Variants in RRAS2 observed in about 807,000 individuals in gnomAD.
RRAS2 encodes ras-related protein R-Ras2.
RRAS2 carries 7 observed loss-of-function variants against 27.6 expected under a neutral mutation model. The observed-to-expected ratio is 0.25, with a 90% CI of 0.14 to 0.48. The LOEUF (loss-of-function observed/expected upper bound fraction) is 0.48, where lower values mean the gene tolerates loss of function less well. Ranked by LOEUF, RRAS2 falls within the 20% of genes least tolerant of loss-of-function variation. RRAS2 has a pLI of 0.99. For synonymous variants in RRAS2, 86 were observed against 90.9 expected (o/e 0.95, Z 0.31); for missense variants, 178 against 256.2 (o/e 0.69, Z 2.08).
intron 1 of RRAS2, among the ~76,000 whole-genome samples, chr11:14,317,680 T>C (rs1188955961): frequency 6.6e-6 from 1 of 152,232 alleles, no homozygotes. Context: ...TTAAGAAACG[T>C]AGCCTCTATC....
chr11:14,341,589 C>CA (rs11452893), intron 1 of RRAS2, among the ~76,000 whole-genome samples: 8,237 of 145,230 alleles, frequency 0.057, 326 homozygotes, highest in East Asian at 0.18. Context: ...TGAGAAGGAC[C>CA]AAAAAAAAAA....
At chr11:14,342,810 T>C (rs973050498) in intron 1 of RRAS2, among the ~76,000 whole-genome samples, 1 of 152,178 alleles carries the variant, frequency 6.6e-6, no homozygotes, top group Admixed American at 6.5e-5. Flanking sequence ...ACTTAACTTG[T>C]CTCATATACA....
intron 4 of RRAS2, among the ~76,000 whole-genome samples, chr11:14,284,583 G>C (rs904157751): frequency 6.6e-6 from 1 of 152,070 alleles, no homozygotes; most frequent in African/African-American, 2.4e-5. Context: ...ATCAGTTATC[G>C]AGAGGGGTAT....
chr11:14,313,377 T>G (rs1848021878), intron 1 of RRAS2, among the ~76,000 whole-genome samples: 1 of 152,220 alleles, frequency 6.6e-6, no homozygotes, highest in African/African-American at 2.4e-5. Flanking sequence ...TAGGTCAGAT[T>G]CTATAGCTAT....
At chr11:14,317,571 A>G (rs908469721) in intron 1 of RRAS2, among the ~76,000 whole-genome samples, 1 of 152,164 alleles carries the variant, frequency 6.6e-6, no homozygotes, top group Non-Finnish European at 1.5e-5. Context: ...CAAAAGCGAA[A>G]CTCCATCCCA....
At chr11:14,355,315 C>G (rs1554955297) in intron 1 of RRAS2, among the ~76,000 whole-genome samples, 1 of 152,096 alleles carries the variant, frequency 6.6e-6, no homozygotes, top group African/African-American at 2.4e-5. Context: ...CCCCACACAC[C>G]CAGCAGTCTC....
chr11:14,319,612 C>A (rs1848184213), intron 1 of RRAS2, among the ~76,000 whole-genome samples: 1 of 152,042 alleles, frequency 6.6e-6, no homozygotes, highest in Non-Finnish European at 1.5e-5. Flanking sequence ...CCCGCCTCAG[C>A]CTCCCAAAGT....
At chr11:14,352,208 G>A (rs1218629318) in intron 1 of RRAS2, among the ~76,000 whole-genome samples, 1 of 152,182 alleles carries the variant, frequency 6.6e-6, no homozygotes, top group African/African-American at 2.4e-5. Flanking sequence ...GTAAGTTAAA[G>A]ACGGCAATAT....
intron 4 of RRAS2, among the ~76,000 whole-genome samples, chr11:14,285,008 G>T (rs190569647): frequency 2.3e-4 from 35 of 152,168 alleles, no homozygotes; most frequent in African/African-American, 8.4e-4. Flanking sequence ...TGTGCTCATG[G>T]ATACAGTTGA....
intron 4 of RRAS2, among the ~76,000 whole-genome samples, chr11:14,286,224 T>C (rs1002663359): frequency 1.9e-4 from 29 of 152,234 alleles, no homozygotes; most frequent in Admixed American, 1.6e-3. Flanking sequence ...TGTTTCCTTA[T>C]TGTGGGTCAT....
At chr11:14,291,261 A>G (rs1432064975) in intron 4 of RRAS2, among the ~76,000 whole-genome samples, 2 of 152,248 alleles carry the variant, frequency 1.3e-5, no homozygotes, top group African/African-American at 4.8e-5. Context: ...CAAATGGGAA[A>G]TAGGTGGACT....
chr11:14,293,894 T>G (rs1847480328), intron 4 of RRAS2, among the ~76,000 whole-genome samples: 1 of 152,124 alleles, frequency 6.6e-6, no homozygotes, highest in South Asian at 2.1e-4. Context: ...AAAATTTCAG[T>G]AAGTGGGTAA....
intron 1 of RRAS2, among the ~76,000 whole-genome samples, chr11:14,344,568 T>C (rs924927610): frequency 1.3e-5 from 2 of 152,242 alleles, no homozygotes; most frequent in Non-Finnish European, 2.9e-5. Flanking sequence ...TTGACTTGAC[T>C]ACCTGCTTAG....
intron 1 of RRAS2, among the ~76,000 whole-genome samples, chr11:14,355,060 G>A (rs1185269022): frequency 6.6e-6 from 1 of 151,868 alleles, no homozygotes; most frequent in Non-Finnish European, 1.5e-5. Context: ...AAAACCCTAA[G>A]GGTACTATTA....
chr11:14,334,930 CTTCT>C (rs1315804150), intron 1 of RRAS2, among the ~76,000 whole-genome samples: 2 of 152,182 alleles, frequency 1.3e-5, no homozygotes, highest in Non-Finnish European at 2.9e-5. Flanking sequence ...TCTTACCTTC[CTTCT>C]TTCTCCTCCA....
intron 1 of RRAS2, among the ~76,000 whole-genome samples, chr11:14,304,147 T>C (rs1388871829): frequency 6.6e-6 from 1 of 152,194 alleles, no homozygotes; most frequent in Non-Finnish European, 1.5e-5. Flanking sequence ...TACTGATCCA[T>C]AGATTTGTAT....
Position 14,358,413 on chromosome 11 carries a change from G to C in RRAS2, c.108+350C>G, listed in dbSNP as rs1197628058. On this transcript the variant is annotated intron_variant, in intron 1 of 5. Coordinates refer to ENST00000256196, the MANE Select transcript of RRAS2 (RefSeq NM_012250.6). This position sits in a 1 kb window ranked among gnomAD's most constrained non-coding sequence, Gnocchi z 5.1. ...GGCTCCAGCTCCAGCCCCACGCCCGGACCCTCGGAGCAGTAAAGCCCGGCT... is the reference window on the plus strand; with the variant it reads ...GGCTCCAGCTCCAGCCCCACGCCCGCACCCTCGGAGCAGTAAAGCCCGGCT... 1.0e-6 allele frequency: 1 copy of C among 985,238 alleles called. No individual in the cohort carries two copies. Among genetic ancestry groups the C allele is most frequent in the African/African-American group, 1.7e-5 (1 of 57,162 alleles). The allele number at this position is 985,238 out of a possible 1,614,324, so 61.0% of individuals were successfully genotyped here. A position where few individuals can be genotyped will look rare whatever the true frequency, so the allele number is the denominator to read the frequency against.
chr11:14,298,935 C>T (rs1445958621), intron 1 of RRAS2, among the ~76,000 whole-genome samples: 2 of 152,172 alleles, frequency 1.3e-5, no homozygotes, highest in African/African-American at 4.8e-5. Flanking sequence ...TTTGAGGCAA[C>T]AGATCACCAA....
At chr11:14,290,616 A>G (rs1591446130) in intron 4 of RRAS2, among the ~76,000 whole-genome samples, 4 of 152,308 alleles carry the variant, frequency 2.6e-5, no homozygotes, top group Admixed American at 2.6e-4. Context: ...TAGTACCAAC[A>G]AAGGACACTG....
Sources: allele counts gnomAD v4.1 joint callset (sites outside exome capture counted in the v4.1 genomes callset), GRCh38; gene constraint gnomAD v4.1.1; non-coding constraint Gnocchi (gnomAD v3.1); transcripts MANE v1.5; gene names NCBI Gene and HGNC (gene_info 2026-07-23, HGNC 2026-07-21).